PPM1H: variants seen among roughly 807,000 people sequenced by gnomAD.
PPM1H encodes the protein protein phosphatase 1H.
A neutral mutation model predicts 54.9 loss-of-function variants in PPM1H; 27 were observed. The observed-to-expected ratio is 0.49, with a 90% CI of 0.36 to 0.68. The LOEUF is 0.68. PPM1H is among the 30% of genes least tolerant of loss of function. The probability of loss-of-function intolerance (pLI) is 0.00; values close to 1 mark genes in which losing one functional copy is unlikely to be tolerated. For synonymous variants in PPM1H, 305 were observed against 270.8 expected (o/e 1.13, Z -1.24); for missense variants, 596 against 667.8 (o/e 0.89, Z 1.19).
chr12:62,676,337 G>A (rs752709108), intron 8 of PPM1H, among the ~76,000 whole-genome samples: 8 of 152,220 alleles, frequency 5.3e-5, no homozygotes, highest in Non-Finnish European at 1.2e-4. Flanking sequence ...CTGCAAAGAT[G>A]CTGGCTGTAG....
intron 4 of PPM1H, among the ~76,000 whole-genome samples, chr12:62,774,402 C>T (rs989545884): frequency 1.3e-5 from 2 of 152,060 alleles, no homozygotes; most frequent in African/African-American, 2.4e-5. Context: ...AGTGCAGTGG[C>T]GTGATCAAGG....
intron 1 of PPM1H, among the ~76,000 whole-genome samples, chr12:62,848,281 G>A (rs929413157): frequency 1.3e-5 from 2 of 151,930 alleles, no homozygotes; most frequent in African/African-American, 4.8e-5. Context: ...AATAACTAAG[G>A]TGCAAAAGTT....
At chr12:62,755,742 A>C in intron 4 of PPM1H, 1 of 786,864 alleles carries the variant, frequency 1.3e-6, no homozygotes. Flanking sequence ...TCGTGGAAGG[A>C]CTCATGAATG....
At chr12:62,878,533 T>G (rs1245394079) in intron 1 of PPM1H, among the ~76,000 whole-genome samples, 1 of 147,456 alleles carries the variant, frequency 6.8e-6, no homozygotes, top group Non-Finnish European at 1.5e-5. Flanking sequence ...TTTTAAGGAA[T>G]CCTACCAGTC....
chr12:62,714,397 GT>G (rs1195662487), intron 6 of PPM1H, among the ~76,000 whole-genome samples: 2 of 152,178 alleles, frequency 1.3e-5, no homozygotes, highest in African/African-American at 4.8e-5. Flanking sequence ...TTTGCTCATA[GT>G]TTTAAGGGAA....
intron 6 of PPM1H, among the ~76,000 whole-genome samples, chr12:62,714,524 C>T (rs1592558597): frequency 6.6e-6 from 1 of 152,112 alleles, no homozygotes; most frequent in Admixed American, 6.5e-5. Context: ...TGGGATCTGT[C>T]TTTTCCAGCA....
chr12:62,710,342 G>T (rs547021929), intron 6 of PPM1H, among the ~76,000 whole-genome samples: 218 of 152,066 alleles, frequency 1.4e-3, no homozygotes, highest in African/African-American at 4.8e-3. Flanking sequence ...GACCAGCCAG[G>T]CCAACATGGT....
chr12:62,653,210 C>G (rs2075825116), intron 9 of PPM1H, among the ~76,000 whole-genome samples: 1 of 152,164 alleles, frequency 6.6e-6, no homozygotes, highest in Non-Finnish European at 1.5e-5. Flanking sequence ...GAGCTTTTTA[C>G]TTATCATGGT....
intron 1 of PPM1H, among the ~76,000 whole-genome samples, chr12:62,851,466 G>A (rs1050265034): frequency 6.6e-6 from 1 of 152,182 alleles, no homozygotes; most frequent in Admixed American, 6.5e-5. Context: ...ACTTTCAGAG[G>A]CCAAGGTGGG....
chr12:62,721,353 G>C (rs1238499061), intron 5 of PPM1H, among the ~76,000 whole-genome samples: 2 of 152,188 alleles, frequency 1.3e-5, no homozygotes, highest in African/African-American at 4.8e-5. Flanking sequence ...CACCAGGCTG[G>C]TCATATTTGC....
chr12:62,813,569 ATAG>A (rs2076848608), intron 2 of PPM1H, among the ~76,000 whole-genome samples: 1 of 152,222 alleles, frequency 6.6e-6, no homozygotes, highest in Admixed American at 6.5e-5. Context: ...TATTCCTCAC[ATAG>A]TAGACAACAG....
Position 62,662,421 on chromosome 12 carries a change from TCAGA to T in PPM1H, c.1397+4753_1397+4756del, listed in dbSNP as rs1489115963. Among the ~76,000 whole-genome samples the T allele has an allele frequency of 2.0e-5, 3 of 152,216 alleles. No homozygotes were observed. The East Asian group carries it at 5.8e-4, about 29-fold the overall frequency. On this transcript the variant is annotated intron_variant, in intron 9 of 9. Coordinates refer to ENST00000228705, the MANE Select transcript of PPM1H (RefSeq NM_020700.2). ...TCCTCCACACCTGAGCTGAATTATA[TCAGA>T]CAATTCGAGGAGGAGACAGATGGTC...
In PPM1H at chr12:62,697,676, A is replaced by G. The variant is rs568885853; in HGVS notation, c.1074-3677T>C. 3.9e-5 allele frequency among the ~76,000 whole-genome samples: 6 copies of G among 152,268 alleles called. No homozygotes were observed. In the South Asian group the frequency reaches 1.2e-3, roughly 32 times the overall value. The stretch of plus-strand genomic sequence containing the variant: ...TGAAGCTTGAGAGCTCCAAGACATG[A>G]AGGTACTTTGGATTTGAGATGAATA... On this transcript the variant is annotated intron_variant, in intron 6 of 9. Transcript: ENST00000228705.
chr12:62,851,876 T>C (rs1869200718), intron 1 of PPM1H, among the ~76,000 whole-genome samples: 1 of 152,140 alleles, frequency 6.6e-6, no homozygotes, highest in Admixed American at 6.5e-5. Flanking sequence ...GACTGAATGT[T>C]TGTGTCTCTG....
chr12:62,683,227 A>G (rs181246846), intron 8 of PPM1H, among the ~76,000 whole-genome samples: 1 of 152,128 alleles, frequency 6.6e-6, no homozygotes, highest in African/African-American at 2.4e-5. Flanking sequence ...TATTAATATG[A>G]AAGTGAATAC....
intron 4 of PPM1H, among the ~76,000 whole-genome samples, chr12:62,757,036 C>T (rs1326107817): frequency 3.3e-5 from 5 of 152,032 alleles, no homozygotes; most frequent in Admixed American, 6.6e-5. Flanking sequence ...GGGTGGATGA[C>T]CAGAAAATGG....
chr12:62,912,709 AAAAAAG>A (rs2121142518), intron 1 of PPM1H, among the ~76,000 whole-genome samples: 1 of 152,336 alleles, frequency 6.6e-6, no homozygotes, highest in Non-Finnish European at 1.5e-5. Context: ...CAATTAACCA[AAAAAAG>A]AATCCACCAC....
intron 1 of PPM1H, among the ~76,000 whole-genome samples, chr12:62,846,049 C>G (rs1367784837): frequency 6.6e-6 from 1 of 152,202 alleles, no homozygotes; most frequent in Non-Finnish European, 1.5e-5. Context: ...CTTGTCACAT[C>G]CAGCAGGCAC....
At chr12:62,759,505 G>A (rs552416483) in intron 4 of PPM1H, among the ~76,000 whole-genome samples, 12 of 152,166 alleles carry the variant, frequency 7.9e-5, no homozygotes, top group East Asian at 5.8e-4. Context: ...CATTTTATCC[G>A]TGGACCCAAA....
Sources: gnomAD v4.1 joint callset for allele counts (sites outside exome capture counted in the v4.1 genomes callset) on GRCh38, gnomAD v4.1.1 for gene constraint, MANE v1.5 for transcripts, NCBI Gene and HGNC (gene_info 2026-07-23, HGNC 2026-07-21) for gene names.